ADAMTSL1: variants seen among roughly 807,000 people sequenced by gnomAD.
ADAMTSL1 encodes ADAMTS-like protein 1.
A neutral mutation model predicts 201.8 loss-of-function variants in ADAMTSL1; 126 were observed. That is an observed-to-expected ratio of 0.62 (90% CI 0.54 to 0.72). The LOEUF is 0.72. Among genes scored for constraint, ADAMTSL1 ranks in the 30% least tolerant of loss-of-function variants. The pLI is 0.00. For missense variants in ADAMTSL1, 2,679 were observed against 2,277.8 expected (o/e 1.18, Z -3.59); for synonymous variants, 1,121 against 903.4 (o/e 1.24, Z -4.32).
At chr9:18,235,809 C>T (rs561417280) in intron 2 of ADAMTSL1, among the ~76,000 whole-genome samples, 2 of 152,130 alleles carry the variant, frequency 1.3e-5, no homozygotes, top group African/African-American at 2.4e-5. Flanking sequence ...AAAGGCCAAG[C>T]TGAAGGTCCT....
At chr9:18,079,266 C>G (rs1823368973) in intron 1 of ADAMTSL1, among the ~76,000 whole-genome samples, 1 of 152,218 alleles carries the variant, frequency 6.6e-6, no homozygotes, top group Non-Finnish European at 1.5e-5. Flanking sequence ...AATTTACACT[C>G]TTTTTGAAGA....
Position 18,711,598 on chromosome 9 carries a change from G to A in ADAMTSL1, c.1876+4550G>A, listed in dbSNP as rs569734857. Among the ~76,000 whole-genome samples, 1,284 of 152,100 alleles carry A rather than the reference G, an allele frequency of 8.4e-3. 28 individuals carry two copies. The highest frequency in any genetic ancestry group is 0.029 in the African/African-American group (1,197 of 41,426). On this transcript the variant is annotated intron_variant, in intron 14 of 28. Transcript: ENST00000380548. ...CCGCACCTGGCTCGGAGGGTCCTAC[G>A]CCCACGGAGTCTCGCTGATTGCTAG...
rs547790866 is a variant in ADAMTSL1, at chr9:18,007,532, T to C, written c.87+100610T>C. On this transcript the variant is annotated intron_variant, in intron 1 of 29. Transcript: ENST00000680146. Reference sequence around the variant, plus strand: ...ACTTTCCTCATCCATTTCCTGAAGATATCCAGTATAATTTGCCGCTTTTGT... The same window carrying C: ...ACTTTCCTCATCCATTTCCTGAAGACATCCAGTATAATTTGCCGCTTTTGT... Among the ~76,000 whole-genome samples, 24 of 152,158 alleles carry C rather than the reference T, an allele frequency of 1.6e-4. No individual in the cohort carries two copies. The South Asian group carries it at 5.0e-3, about 31-fold the overall frequency.
In ADAMTSL1 at chr9:18,057,731, T is replaced by G. The variant is rs148852097; in HGVS notation, c.88-106131T>G. Among the ~76,000 whole-genome samples the G allele has an allele frequency of 2.0e-3, 311 of 152,320 alleles. 2 individuals are homozygous for G. The highest frequency in any genetic ancestry group is 6.8e-3 in the Middle Eastern group (2 of 294). ...CATACCTGCTGAACTCACCAAGCTC[T>G]TTTCTGCCTCAGACTCTTTGCACAT... On this transcript the variant is annotated intron_variant, in intron 1 of 29. Transcript: ENST00000680146.
At chr9:18,299,147 C>G (rs1439952128) in intron 2 of ADAMTSL1, among the ~76,000 whole-genome samples, 4 of 152,052 alleles carry the variant, frequency 2.6e-5, no homozygotes, top group Non-Finnish European at 5.9e-5. Flanking sequence ...GATAGAGGAA[C>G]AGTCTTAGAG....
intron 1 of ADAMTSL1, among the ~76,000 whole-genome samples, chr9:18,154,346 G>T (rs1201753898): frequency 6.6e-6 from 1 of 152,048 alleles, no homozygotes; most frequent in African/African-American, 2.4e-5. Flanking sequence ...ATCCACTGGG[G>T]CTGCACTCTT....
At chr9:18,366,173 C>G (rs1836758727) in intron 2 of ADAMTSL1, among the ~76,000 whole-genome samples, 1 of 151,936 alleles carries the variant, frequency 6.6e-6, no homozygotes, top group Non-Finnish European at 1.5e-5. Context: ...TGCAACGAAA[C>G]ATAAACAAGG....
chr9:18,555,075 C>G (rs1252062757), intron 3 of ADAMTSL1, among the ~76,000 whole-genome samples: 2 of 151,906 alleles, frequency 1.3e-5, no homozygotes, highest in Non-Finnish European at 2.9e-5. Flanking sequence ...TTTATTGTCT[C>G]CTTAGTTTGG....
chr9:18,290,505 A>G (rs530108480), intron 2 of ADAMTSL1, among the ~76,000 whole-genome samples: 18 of 152,280 alleles, frequency 1.2e-4, no homozygotes, highest in African/African-American at 4.1e-4. Context: ...TAGCCATGGT[A>G]GAGGCTTGGG....
chr9:18,182,348 A>G (rs1828535092), intron 2 of ADAMTSL1, among the ~76,000 whole-genome samples: 1 of 152,212 alleles, frequency 6.6e-6, no homozygotes, highest in Non-Finnish European at 1.5e-5. Context: ...AAAACTACTT[A>G]ATTGTATACC....
intron 16 of ADAMTSL1, among the ~76,000 whole-genome samples, chr9:18,761,903 G>T (rs1000963010): frequency 1.3e-5 from 2 of 152,214 alleles, no homozygotes; most frequent in African/African-American, 4.8e-5. Flanking sequence ...TGGAGCGTCA[G>T]ACTCTCCAGC....
chr9:18,585,129 C>G (rs1011174835), intron 4 of ADAMTSL1, among the ~76,000 whole-genome samples: 6 of 152,028 alleles, frequency 3.9e-5, no homozygotes, highest in Non-Finnish European at 7.4e-5. Flanking sequence ...ATTTTTGTCA[C>G]CGTAGCTGGG....
chr9:17,930,663 C>T (rs1404086741), intron 1 of ADAMTSL1, among the ~76,000 whole-genome samples: 1 of 152,074 alleles, frequency 6.6e-6, no homozygotes, highest in Non-Finnish European at 1.5e-5. Flanking sequence ...AATTCCAAGA[C>T]CCAGAGGGTG....
intron 1 of ADAMTSL1, among the ~76,000 whole-genome samples, chr9:18,076,650 G>C (rs555857738): frequency 6.6e-6 from 1 of 152,200 alleles, no homozygotes; most frequent in African/African-American, 2.4e-5. Context: ...CCTCTTAGGG[G>C]AATGTACAAG....
At chr9:18,027,519 G>A (rs1820756096) in intron 1 of ADAMTSL1, among the ~76,000 whole-genome samples, 1 of 151,658 alleles carries the variant, frequency 6.6e-6, no homozygotes. Flanking sequence ...GTAATTGTGT[G>A]GTTTTGAGAG....
intron 20 of ADAMTSL1, among the ~76,000 whole-genome samples, chr9:18,809,684 G>A (rs1823383761): frequency 6.6e-6 from 1 of 152,158 alleles, no homozygotes; most frequent in South Asian, 2.1e-4. Flanking sequence ...AGCTACTCGG[G>A]AGACTGAGGC....
intron 4 of ADAMTSL1, among the ~76,000 whole-genome samples, chr9:18,612,768 C>G (rs1340424325): frequency 6.6e-6 from 1 of 152,050 alleles, no homozygotes; most frequent in African/African-American, 2.4e-5. Flanking sequence ...TATAAAAATC[C>G]TGGAAGACAA....
intron 1 of ADAMTSL1, among the ~76,000 whole-genome samples, chr9:17,907,842 G>C (rs2095734504): frequency 6.6e-6 from 1 of 152,128 alleles, no homozygotes; most frequent in African/African-American, 2.4e-5. Context: ...TGGGCAGTTT[G>C]TACATAATTT....
At chr9:18,591,519 GTTA>G (rs1378104176) in intron 4 of ADAMTSL1, among the ~76,000 whole-genome samples, 23 of 152,062 alleles carry the variant, frequency 1.5e-4, no homozygotes, top group Non-Finnish European at 2.9e-5. Flanking sequence ...TACATTTAAT[GTTA>G]TTATCGATAA....
Sources: allele counts gnomAD v4.1 joint callset (sites outside exome capture counted in the v4.1 genomes callset), GRCh38; gene constraint gnomAD v4.1.1; transcripts MANE v1.5; gene names NCBI Gene and HGNC (gene_info 2026-07-23, HGNC 2026-07-21).